Variants in ABLIM1 observed in about 807,000 individuals in gnomAD.
ABLIM1 encodes actin binding LIM protein 1, also known as actin-binding LIM protein 1.
Under a neutral mutation model 107.0 loss-of-function variants are expected in ABLIM1, and 40 were observed. The ratio of observed to expected loss-of-function variants is 0.37; its 90% confidence interval spans 0.29 to 0.49. ABLIM1 has a LOEUF of 0.49. ABLIM1 is among the 20% of genes least tolerant of loss of function. ABLIM1 has a pLI of 0.97. For missense variants in ABLIM1, 857 were observed against 1,008.5 expected, an observed-to-expected ratio of 0.85 and a Z score of 2.04; for synonymous variants, 357 against 357.3, an observed-to-expected ratio of 1.00 and a Z score of 0.01.
At chr10:114,443,367 CAA>C (rs2060486338) in intron 17 of ABLIM1, among the ~76,000 whole-genome samples, 1 of 150,706 alleles carries the variant, frequency 6.6e-6, no homozygotes, top group South Asian at 2.1e-4. Flanking sequence ...GGCTGGAGTG[CAA>C]TGGTGTGATC....
intron 1 of ABLIM1, among the ~76,000 whole-genome samples, chr10:114,737,785 G>A (rs1044956022): frequency 2.6e-5 from 4 of 152,092 alleles, no homozygotes; most frequent in Non-Finnish European, 4.4e-5. Context: ...GGAGATAGTG[G>A]CCAAAATAGG....
rs188398425 is a variant in ABLIM1, at chr10:114,651,743, C to T, written c.244+6214G>A. On this transcript the variant is annotated intron_variant, in intron 1 of 22. Coordinates refer to ENST00000533213, the MANE Select transcript of ABLIM1 (RefSeq NM_002313.7). ...CCCAAATAGCTGAAACCTCAAATCC[C>T]TCTCCATTCATGCCCTTGCAAGATG... Among the ~76,000 whole-genome samples, 61 of 152,288 alleles carry T rather than the reference C, an allele frequency of 4.0e-4. 1 individual carries two copies. The East Asian group carries it at 8.9e-3, about 22-fold the overall frequency.
upstream of ABLIM1, among the ~76,000 whole-genome samples, chr10:114,689,115 C>T (rs1407606580): frequency 6.6e-6 from 1 of 152,128 alleles, no homozygotes; most frequent in Non-Finnish European, 1.5e-5. Flanking sequence ...GGCTGCTTCT[C>T]TCACCTCATG....
Position 114,527,840 on chromosome 10 carries a change from G to GTT in ABLIM1, c.894+17163_894+17164dup, listed in dbSNP as rs34890028. Among the ~76,000 whole-genome samples the GTT allele has an allele frequency of 6.3e-3, 870 of 138,436 alleles. 7 individuals carry two copies. Among genetic ancestry groups the GTT allele is most frequent in the Middle Eastern group, 0.014 (4 of 278 alleles). The allele number at this position is 138,436 out of a possible 152,430, so 90.8% of individuals were successfully genotyped here. A position where few individuals can be genotyped will look rare whatever the true frequency, so the allele number is the denominator to read the frequency against. On this transcript the variant is annotated intron_variant, in intron 6 of 22. Transcript: ENST00000533213. ...CCACCATGCCTGGCTAATTTTTAAA[G>GTT]TTTTTTTTTTTTTTTGAGACGGAGT... is the stretch of plus-strand genomic sequence containing the variant.
At chr10:114,671,255 G>C (rs79353469) in intron 1 of ABLIM1, among the ~76,000 whole-genome samples, 1 of 152,206 alleles carries the variant, frequency 6.6e-6, no homozygotes, top group African/African-American at 2.4e-5. Context: ...CCATGCAGTT[G>C]TGTGTATCTG....
the ABLIM1 span, among the ~76,000 whole-genome samples, chr10:114,786,713 T>C: frequency 2.0e-5 from 3 of 152,212 alleles, no homozygotes; most frequent in African/African-American, 4.8e-5. Context: ...GCCAGGCTGG[T>C]CTCCAGCTCC....
In ABLIM1 at chr10:114,680,802, A is replaced by G. The variant is rs140488907; in HGVS notation, c.64+3488T>C. Among the ~76,000 whole-genome samples the G allele has an allele frequency of 6.6e-5, 10 of 152,336 alleles. No individual in the cohort carries two copies. In the East Asian group the frequency reaches 1.9e-3, roughly 29 times the overall value. On this transcript the variant is annotated intron_variant, in intron 1 of 23. Coordinates refer to the ABLIM1 transcript ENST00000369256. The stretch of plus-strand genomic sequence containing the variant: ...TCTCATGTTGGTTAGTTGCCCATAT[A>G]TGCCAGTGGACCTTCCAGGATTATC...
At chr10:114,551,159 C>G (rs558751741) in intron 4 of ABLIM1, among the ~76,000 whole-genome samples, 45 of 152,302 alleles carry the variant, frequency 3.0e-4, no homozygotes, top group Non-Finnish European at 6.0e-4. Context: ...AGGCTGCTAT[C>G]AGGAAGAAAA....
rs748450521 is a variant in ABLIM1 at position 114,755,706 on chromosome 10, T to G, written c.-213+12355A>C. ...ATCTGCCAAGCTTTCTGAAGGCACT[T>G]TAGTCGTATCCCACACCTGCCTCTG... On this transcript the variant is annotated intron_variant, in intron 1 of 15. Transcript: ENST00000651092. 2.6e-5 allele frequency among the ~76,000 whole-genome samples: 4 copies of G among 152,274 alleles called. No homozygotes were observed. The East Asian group carries it at 7.7e-4, about 29-fold the overall frequency.
At chr10:114,670,762 T>C (rs1319547069) in intron 1 of ABLIM1, among the ~76,000 whole-genome samples, 1 of 152,276 alleles carries the variant, frequency 6.6e-6, no homozygotes, top group African/African-American at 2.4e-5. Context: ...CTCGAAGTGT[T>C]GGGATTATAG....
chr10:114,542,059 C>T (rs1183018328), intron 6 of ABLIM1, among the ~76,000 whole-genome samples: 1 of 152,148 alleles, frequency 6.6e-6, no homozygotes, highest in Non-Finnish European at 1.5e-5. Context: ...TCAGTATTTT[C>T]TCGTCTCTCT....
At chr10:114,656,997 T>G (rs904453361) in intron 1 of ABLIM1, among the ~76,000 whole-genome samples, 14 of 152,204 alleles carry the variant, frequency 9.2e-5, no homozygotes, top group Non-Finnish European at 4.4e-5. Context: ...AATATATATG[T>G]AACATATCAG....
At chr10:114,616,591 C>T (rs1159683821) in intron 1 of ABLIM1, among the ~76,000 whole-genome samples, 3 of 152,176 alleles carry the variant, frequency 2.0e-5, no homozygotes, top group Non-Finnish European at 4.4e-5. Context: ...GGTGACAAAG[C>T]GTTGTTCTAC....
rs368375386 is a variant in ABLIM1, at chr10:114,691,888, T to C, written c.-213+76173A>G. On this transcript the variant is annotated intron_variant, in intron 1 of 15. Coordinates refer to the ABLIM1 transcript ENST00000651092. ...TGTGCTATACCCAGAAGGCTACATT[T>C]AATACAGATTTTTGCTGTTGTGAAA... Among the ~76,000 whole-genome samples the C allele has an allele frequency of 5.3e-4, 80 of 152,320 alleles. 2 individuals carry two copies. The South Asian group carries it at 0.016, about 30-fold the overall frequency.
intron 1 of ABLIM1, among the ~76,000 whole-genome samples, chr10:114,744,164 T>G (rs1294182441): frequency 6.6e-6 from 1 of 152,208 alleles, no homozygotes; most frequent in Non-Finnish European, 1.5e-5. Context: ...AATATAAAAT[T>G]GCAGTGAAGC....
chr10:114,743,751 C>T (rs2082330690), intron 1 of ABLIM1, among the ~76,000 whole-genome samples: 1 of 152,162 alleles, frequency 6.6e-6, no homozygotes, highest in Admixed American at 6.5e-5. Flanking sequence ...CTCCTGTTCT[C>T]CATCACAGCT....
chr10:114,458,115 T>TGTGTGC (rs1172813225), intron 12 of ABLIM1, among the ~76,000 whole-genome samples: 22 of 149,248 alleles, frequency 1.5e-4, no homozygotes, highest in African/African-American at 5.2e-4. Context: ...TGTGTGTGTG[T>TGTGTGC]GCGCACATAA....
chr10:114,640,542 A>C (rs554936851), intron 1 of ABLIM1, among the ~76,000 whole-genome samples: 27 of 150,364 alleles, frequency 1.8e-4, no homozygotes, highest in African/African-American at 6.6e-4. Context: ...AAACAAACCA[A>C]CAACAACAAC....
intron 1 of ABLIM1, among the ~76,000 whole-genome samples, chr10:114,715,974 A>G (rs1032865082): frequency 2.6e-5 from 4 of 152,196 alleles, no homozygotes; most frequent in Non-Finnish European, 5.9e-5. Context: ...AGGTCAGCAC[A>G]ATCAGATTCC....
Sources: allele counts gnomAD v4.1 joint callset (sites outside exome capture counted in the v4.1 genomes callset), GRCh38; gene constraint gnomAD v4.1.1; transcripts MANE v1.5; gene names NCBI Gene and HGNC (gene_info 2026-07-23, HGNC 2026-07-21).